Variants in PIEZO2 observed in about 807,000 individuals in gnomAD.
PIEZO2 encodes piezo-type mechanosensitive ion channel component 2.
A neutral mutation model predicts 337.3 loss-of-function variants in PIEZO2; 172 were observed. That is an observed-to-expected ratio of 0.51 (90% confidence interval 0.45 to 0.58). PIEZO2 has a LOEUF of 0.58. PIEZO2 is among the 20% of genes least tolerant of loss of function. PIEZO2 has a pLI of 0.00. For synonymous variants in PIEZO2, 1,251 were observed against 1,228.5 expected, an observed-to-expected ratio of 1.02 and a Z score of -0.38; for missense variants, 3,028 against 3,391.3, an observed-to-expected ratio of 0.89 and a Z score of 2.66.
chr18:10,849,340 ATCT>A (rs1303553203), intron 7 of PIEZO2, among the ~76,000 whole-genome samples: 13 of 152,214 alleles, frequency 8.5e-5, no homozygotes, highest in Non-Finnish European at 1.9e-4. Context: ...TTCTTTAGGT[ATCT>A]TCTTCACAAG....
At chr18:10,780,491 C>T in intron 17 of PIEZO2, 125 bp from the exon 18 acceptor site, 1 of 647,372 alleles carries the variant, frequency 1.5e-6, no homozygotes, top group South Asian at 1.7e-5. Context: ...CAAGTGTAGC[C>T]ACCCTCACAG....
rs2039747203 is a variant in PIEZO2, at chr18:11,111,818, C to G, written c.64+36707G>C. ...GAGGCTCCTTGTAGGTTAAATTATT[C>G]TTGATGAGAAGCAACTTAAATATTA... is the stretch of plus-strand genomic sequence containing the variant. On this transcript the variant is annotated intron_variant, in intron 1 of 55. Coordinates refer to ENST00000674853, the MANE Select transcript of PIEZO2 (RefSeq NM_001378183.1). This position sits in a 1 kb window ranked among gnomAD's most constrained non-coding sequence, Gnocchi z 6.2. Among the ~76,000 whole-genome samples, 3 of 152,184 alleles carry G rather than the reference C, an allele frequency of 2.0e-5. 1 individual carries two copies. The South Asian group carries it at 6.2e-4, about 32-fold the overall frequency.
chr18:10,719,594 C>T lies in PIEZO2; in HGVS notation c.5030-1335G>A, dbSNP rs576121268. On this transcript the variant is annotated intron_variant, in intron 36 of 55. Coordinates refer to ENST00000674853, the MANE Select transcript of PIEZO2 (RefSeq NM_001378183.1). Reference sequence around the variant, plus strand: ...ATATCATTTTATTTATCCAGTCCTCCGTTCATCAACGGACACTTAGGTTGA... The same window carrying T: ...ATATCATTTTATTTATCCAGTCCTCTGTTCATCAACGGACACTTAGGTTGA... 9.9e-5 allele frequency among the ~76,000 whole-genome samples: 15 copies of T among 152,254 alleles called. No homozygotes were observed. In the South Asian group the frequency reaches 1.0e-3, roughly 11 times the overall value.
chr18:10,815,722 G>C lies in PIEZO2; in HGVS notation c.918-8448C>G, dbSNP rs1278422284. Among the ~76,000 whole-genome samples, 4 of 152,034 alleles carry C rather than the reference G, an allele frequency of 2.6e-5. No individual in the cohort carries two copies. Among genetic ancestry groups the C allele is most frequent in the Non-Finnish European group, 5.9e-5 (4 of 68,036 alleles). ...TCTCACTCAGGAACAAGAGAAGAAGGAGAACAGTCTTCTGATGGTACATTA... is the reference window on the plus strand; with the variant it reads ...TCTCACTCAGGAACAAGAGAAGAAGCAGAACAGTCTTCTGATGGTACATTA... On this transcript the variant is annotated intron_variant, in intron 7 of 55. Transcript: ENST00000674853. This position sits in a 1 kb window ranked among gnomAD's most constrained non-coding sequence, Gnocchi z 4.1.
chr18:10,767,921 G>T lies in PIEZO2; in HGVS notation c.2946+2227C>A, dbSNP rs1162480599. Among the ~76,000 whole-genome samples, 1 of 152,222 alleles carries T rather than the reference G, an allele frequency of 6.6e-6. No individual in the cohort carries two copies. Among genetic ancestry groups the T allele is most frequent in the Non-Finnish European group, 1.5e-5 (1 of 68,040 alleles). ...GGGCAGGTTTACCCGCCAGTTGCCA[G>T]CCCAGAGCGTGAGGCCATCATGGGA... On this transcript the variant is annotated intron_variant, in intron 21 of 55. Transcript: ENST00000674853. The surrounding 1 kb of genome is among the most constrained non-coding windows in gnomAD (Gnocchi z 4.2).
chr18:10,844,405 G>A (rs1258450307), intron 7 of PIEZO2, among the ~76,000 whole-genome samples: 1 of 82,332 alleles, frequency 1.2e-5, no homozygotes, highest in African/African-American at 3.6e-5. Context: ...GGGTGACAGA[G>A]TGAGACTGTC....
chr18:10,710,862 T>G (rs1322651755), intron 39 of PIEZO2, among the ~76,000 whole-genome samples: 2 of 152,216 alleles, frequency 1.3e-5, no homozygotes, highest in African/African-American at 4.8e-5. Flanking sequence ...ATTTGGAAAT[T>G]AGAAATACAG....
intron 36 of PIEZO2, chr18:10,725,524 G>A: frequency 7.1e-7 from 1 of 1,402,196 alleles, no homozygotes; most frequent in African/African-American, 1.4e-5. Context: ...TGGGAGTCGT[G>A]GGAAGGAGGG....
intron 35 of PIEZO2, 146 bp from the exon 36 acceptor site, chr18:10,731,667 A>ATTTT: frequency 2.6e-6 from 1 of 383,410 alleles, no homozygotes; most frequent in Non-Finnish European, 4.6e-6. Context: ...ATGAGATTCA[A>ATTTT]TTTTTTTTTT....
intron 3 of PIEZO2, among the ~76,000 whole-genome samples, chr18:10,978,345 A>G (rs977067422): frequency 5.3e-5 from 8 of 151,914 alleles, no homozygotes; most frequent in African/African-American, 1.7e-4. Flanking sequence ...CAAAAAAAAA[A>G]CAAAAACAAA....
chr18:10,944,488 CAT>C (rs768935656), intron 3 of PIEZO2, among the ~76,000 whole-genome samples: 2,143 of 132,854 alleles, frequency 0.016, 36 homozygotes, highest in African/African-American at 0.04. Flanking sequence ...ATCTTAGTAA[CAT>C]ATATATATAT....
At chr18:10,725,421 C>T in intron 36 of PIEZO2, 1 of 1,603,202 alleles carries the variant, frequency 6.2e-7, no homozygotes, top group Non-Finnish European at 8.5e-7. Context: ...GACCAGAGCC[C>T]GCCAGTACTG....
chr18:10,745,712 GTTCTC>G (rs1422477056), intron 30 of PIEZO2, among the ~76,000 whole-genome samples: 1 of 151,918 alleles, frequency 6.6e-6, no homozygotes, highest in Admixed American at 6.6e-5. Flanking sequence ...GTTCTCCAAG[GTTCTC>G]TTCTCATTTC....
At chr18:11,061,063 A>C (rs1322774609) in intron 2 of PIEZO2, among the ~76,000 whole-genome samples, 4 of 152,240 alleles carry the variant, frequency 2.6e-5, no homozygotes, top group African/African-American at 9.6e-5. Context: ...CACCATGATC[A>C]AGTGGGCTTC....
chr18:10,892,844 A>T (rs1232025115), intron 4 of PIEZO2, among the ~76,000 whole-genome samples: 3 of 152,270 alleles, frequency 2.0e-5, no homozygotes, highest in African/African-American at 7.2e-5. Context: ...GAAATATTTT[A>T]AACAAGCTAC....
At position 10,980,994 on chromosome 18, in the gene PIEZO2, T is replaced by C. The variant is rs1428964092; in HGVS notation, c.161-1334A>G. ...TGTGTGTAAGTGAGAGAGAAGAAAC[T>C]GTCACTTGTGGAGAGTAACTTTACC... On this transcript the variant is annotated intron_variant, in intron 2 of 55. Transcript: ENST00000674853. This position sits in a 1 kb window ranked among gnomAD's most constrained non-coding sequence, Gnocchi z 4.8. 6.6e-6 allele frequency among the ~76,000 whole-genome samples: 1 copy of C among 152,174 alleles called. No homozygotes were observed. Among genetic ancestry groups the C allele is most frequent in the Non-Finnish European group, 1.5e-5 (1 of 68,036 alleles).
At chr18:11,067,253 T>A (rs777925420) in intron 1 of PIEZO2, among the ~76,000 whole-genome samples, 1 of 152,150 alleles carries the variant, frequency 6.6e-6, no homozygotes, top group Non-Finnish European at 1.5e-5. Context: ...AGGCAATATA[T>A]CTATGTAATA....
At chr18:10,860,437 C>T (rs141652253) in intron 5 of PIEZO2, among the ~76,000 whole-genome samples, 1,740 of 152,214 alleles carry the variant, frequency 0.011, 38 homozygotes, top group African/African-American at 0.04. Flanking sequence ...GCTCCTAAGG[C>T]CCGGGTCCCA....
chr18:10,967,077 G>C lies in PIEZO2; in HGVS notation c.286+12458C>G, dbSNP rs1309145492. On this transcript the variant is annotated intron_variant, in intron 3 of 55. Coordinates refer to ENST00000674853, the MANE Select transcript of PIEZO2 (RefSeq NM_001378183.1). ...GTGTCACCCAGGCTCAAGTGCAGTG[G>C]TGAGATCTCGGCTCACTGCAACTTC... 4.7e-5 allele frequency among the ~76,000 whole-genome samples: 7 copies of C among 147,772 alleles called. No individual in the cohort carries two copies. In the East Asian group the frequency reaches 1.4e-3, roughly 29 times the overall value.
Sources: gnomAD v4.1 joint callset for allele counts (sites outside exome capture counted in the v4.1 genomes callset) on GRCh38, gnomAD v4.1.1 for gene constraint, Gnocchi (gnomAD v3.1) non-coding constraint, MANE v1.5 for transcripts, NCBI Gene and HGNC (gene_info 2026-07-23, HGNC 2026-07-21) for gene names.